The following MTHFD2L variants were observed in gnomAD, a reference collection of about 807,000 sequenced individuals.
The protein encoded by MTHFD2L is bifunctional methylenetetrahydrofolate dehydrogenase/cyclohydrolase 2, mitochondrial.
A neutral mutation model predicts 34.9 loss-of-function variants in MTHFD2L; 29 were observed. The observed-to-expected ratio is 0.83, with a 90% CI of 0.62 to 1.13. The LOEUF is 1.13. Ranked by LOEUF, MTHFD2L falls within the 50% of genes most tolerant of loss-of-function variation. MTHFD2L has a pLI of 0.00. For synonymous variants in MTHFD2L, 167 were observed against 155.7 expected, an observed-to-expected ratio of 1.07 and a Z score of -0.54; for missense variants, 481 against 446.5, an observed-to-expected ratio of 1.08 and a Z score of -0.70.
rs542929293 is a variant in MTHFD2L at position 74,214,661 on chromosome 4, G to A, written c.713-10641G>A. On this transcript the variant is annotated intron_variant, in intron 5 of 7. Coordinates refer to ENST00000325278, the MANE Select transcript of MTHFD2L (RefSeq NM_001144978.3). ...TGTCTATTGACCCCTGCTGCAAGGTGTCTCCCAGTCAGGAGGCACAGGGGT... is the reference window on the plus strand; with the variant it reads ...TGTCTATTGACCCCTGCTGCAAGGTATCTCCCAGTCAGGAGGCACAGGGGT... 2.6e-4 allele frequency among the ~76,000 whole-genome samples: 40 copies of A among 151,838 alleles called. 3 individuals carry two copies. Among genetic ancestry groups the A allele is most frequent in the African/African-American group, 8.3e-4 (34 of 41,106 alleles).
rs1317729396 is a variant in MTHFD2L at position 74,302,142 on chromosome 4, C to T, written c.*333C>T. On this transcript the variant is annotated 3_prime_UTR_variant, in exon 8 of 8. Coordinates refer to ENST00000325278, the MANE Select transcript of MTHFD2L (RefSeq NM_001144978.3). ...TTAAATATTACATAGAGTATGTTTA[C>T]AACAAATATCCTGTCAGCCAAATGG... The T allele has an allele frequency of 5.9e-6, 1 of 169,654 alleles. No individual in the cohort carries two copies. The highest frequency in any genetic ancestry group is 6.3e-5 in the Admixed American group (1 of 15,812). The allele number at this position is 169,654 out of a possible 1,614,324, so 10.5% of individuals were successfully genotyped here. A position where few individuals can be genotyped will look rare whatever the true frequency, so the allele number is the denominator to read the frequency against.
chr4:74,225,658 C>G (rs562616254), intron 6 of MTHFD2L, among the ~76,000 whole-genome samples: 1 of 152,064 alleles, frequency 6.6e-6, no homozygotes, highest in Non-Finnish European at 1.5e-5. Context: ...ATTGCTTTGA[C>G]GAACATGGTT....
intron 1 of MTHFD2L, among the ~76,000 whole-genome samples, chr4:74,174,091 G>A (rs941110430): frequency 4.6e-5 from 7 of 152,162 alleles, no homozygotes; most frequent in South Asian, 4.2e-4. Flanking sequence ...AGCTGTCTTC[G>A]TGCTATGTCC....
chr4:74,245,707 T>C (rs1742337115), intron 6 of MTHFD2L, among the ~76,000 whole-genome samples: 1 of 152,124 alleles, frequency 6.6e-6, no homozygotes, highest in Admixed American at 6.5e-5. Flanking sequence ...AGTTCCCATC[T>C]ATGAGTGAGA....
At chr4:74,278,368 C>CT (rs1746963924) in intron 6 of MTHFD2L, among the ~76,000 whole-genome samples, 1 of 152,086 alleles carries the variant, frequency 6.6e-6, no homozygotes, top group South Asian at 2.1e-4. Context: ...TCAGATTCTT[C>CT]TTGATACTTA....
At chr4:74,272,202 T>C (rs1042187944) in intron 6 of MTHFD2L, among the ~76,000 whole-genome samples, 1 of 152,164 alleles carries the variant, frequency 6.6e-6, no homozygotes, top group African/African-American at 2.4e-5. Flanking sequence ...AACTCCCCTT[T>C]CAGAGTATCA....
In MTHFD2L at chr4:74,192,474, CATT is replaced by C. The variant is rs1732722684; in HGVS notation, c.452-7318_452-7316del. 3.3e-5 allele frequency among the ~76,000 whole-genome samples: 5 copies of C among 152,244 alleles called. No individual in the cohort carries two copies. The South Asian group carries it at 6.2e-4, about 19-fold the overall frequency. Reference sequence around the variant, plus strand: ...ACCCCTAAAACTTTAGTGTATACATCATTAAGGTTCATTATTTATGTTATGTGA... The same window carrying C: ...ACCCCTAAAACTTTAGTGTATACATCAAGGTTCATTATTTATGTTATGTGA... On this transcript the variant is annotated intron_variant, in intron 3 of 7. Coordinates refer to ENST00000325278, the MANE Select transcript of MTHFD2L (RefSeq NM_001144978.3).
chr4:74,269,889 G>A (rs942073443), intron 6 of MTHFD2L, among the ~76,000 whole-genome samples: 1 of 152,134 alleles, frequency 6.6e-6, no homozygotes, highest in Non-Finnish European at 1.5e-5. Flanking sequence ...AGGCAGATAA[G>A]TATAGATTAT....
At chr4:74,286,602 CA>C (rs1748209184) in intron 7 of MTHFD2L, among the ~76,000 whole-genome samples, 1 of 152,186 alleles carries the variant, frequency 6.6e-6, no homozygotes, top group Admixed American at 6.6e-5. Context: ...ATCAGCTAAA[CA>C]GTCTAATTAA....
chr4:74,174,041 G>A (rs2109955909), intron 1 of MTHFD2L, among the ~76,000 whole-genome samples: 1 of 152,226 alleles, frequency 6.6e-6, no homozygotes, highest in Non-Finnish European at 1.5e-5. Flanking sequence ...ACACCAGAAG[G>A]TTCAGTGTCT....
intron 1 of MTHFD2L, among the ~76,000 whole-genome samples, chr4:74,147,286 T>C (rs774265188): frequency 6.6e-6 from 1 of 152,168 alleles, no homozygotes; most frequent in Non-Finnish European, 1.5e-5. Flanking sequence ...CTAGGTCGGC[T>C]CTTTAAGCCC....
rs150038465 is a variant in MTHFD2L at position 74,293,137 on chromosome 4, C to T, written c.932-8560C>T. Among the ~76,000 whole-genome samples, 390 of 152,150 alleles carry T rather than the reference C, an allele frequency of 2.6e-3. 1 individual carries two copies. Among genetic ancestry groups the T allele is most frequent in the African/African-American group, 8.3e-3 (346 of 41,494 alleles). On this transcript the variant is annotated intron_variant, in intron 7 of 7. Coordinates refer to ENST00000325278, the MANE Select transcript of MTHFD2L (RefSeq NM_001144978.3). The stretch of plus-strand genomic sequence containing the variant: ...GGTATACAAGTGTCATGGTGGTTGG[C>T]TGCACCCATCAACCCATTGTCTACA...
upstream of MTHFD2L, among the ~76,000 whole-genome samples, chr4:74,120,245 G>A (rs1168054216): frequency 6.6e-6 from 1 of 152,188 alleles, no homozygotes. Context: ...AGATGAAATA[G>A]CAGAGAATGT....
At chr4:74,271,647 G>A (rs1374359450) in intron 6 of MTHFD2L, among the ~76,000 whole-genome samples, 3 of 152,096 alleles carry the variant, frequency 2.0e-5, no homozygotes, top group Non-Finnish European at 2.9e-5. Flanking sequence ...TGTCTTGGCA[G>A]TGCGGGCTCT....
At chr4:74,190,196 T>A (rs571942506) in intron 3 of MTHFD2L, among the ~76,000 whole-genome samples, 41 of 152,268 alleles carry the variant, frequency 2.7e-4, no homozygotes, top group African/African-American at 8.9e-4. Context: ...TTCTATAGAA[T>A]ACACTATTTC....
In MTHFD2L at chr4:74,158,128, G is replaced by C. The variant is rs143225002; in HGVS notation, c.-11G>C. 6 of 1,530,690 alleles carry C rather than the reference G, an allele frequency of 3.9e-6. No individual in the cohort carries two copies. The South Asian group carries it at 7.3e-5, about 18-fold the overall frequency. 94.8% of individuals were successfully genotyped at this position (1,530,690 alleles called of 1,614,324 possible). A position where few individuals can be genotyped will look rare whatever the true frequency, so the allele number is the denominator to read the frequency against. On this transcript the variant is annotated 5_prime_UTR_variant, in exon 1 of 8. Transcript: ENST00000325278. ...GTGGAGCCCCAGTCCGGAAGCCGGG[G>C]ATCCGCGGCCATGACGGTGCCGGTC...
chr4:74,148,913 T>C (rs1578258380), intron 1 of MTHFD2L, among the ~76,000 whole-genome samples: 1 of 151,828 alleles, frequency 6.6e-6, no homozygotes, highest in Non-Finnish European at 1.5e-5. Flanking sequence ...CTATATTTCT[T>C]AGGCCCCTTT....
intron 1 of MTHFD2L, among the ~76,000 whole-genome samples, chr4:74,149,350 A>G (rs1206317459): frequency 6.6e-6 from 1 of 151,880 alleles, no homozygotes; most frequent in East Asian, 1.9e-4. Flanking sequence ...AAACTCAGAC[A>G]TCTGTTAATA....
chr4:74,172,250 C>G (rs996095748), intron 1 of MTHFD2L, among the ~76,000 whole-genome samples: 1 of 152,118 alleles, frequency 6.6e-6, no homozygotes, highest in African/African-American at 2.4e-5. Flanking sequence ...TAGACATGTT[C>G]ATTTTCTTGA....
Sources: gnomAD v4.1 joint callset for allele counts (sites outside exome capture counted in the v4.1 genomes callset) on GRCh38, gnomAD v4.1.1 for gene constraint, MANE v1.5 for transcripts, NCBI Gene and HGNC (gene_info 2026-07-23, HGNC 2026-07-21) for gene names.